The following WDR17 variants were observed in gnomAD, a reference collection of about 807,000 sequenced individuals.
WDR17 encodes WD repeat domain 17, also known as WD repeat-containing protein 17.
Under a neutral mutation model 161.7 loss-of-function variants are expected in WDR17, and 143 were observed. The ratio of observed to expected loss-of-function variants is 0.88; its 90% CI spans 0.77 to 1.02. The LOEUF (loss-of-function observed/expected upper bound fraction) is 1.02, where lower values mean the gene tolerates loss of function less well. Ranked by LOEUF, WDR17 falls within the 50% of genes least tolerant of loss-of-function variation. The pLI, the probability that WDR17 is intolerant of heterozygous loss-of-function variation, is 0.00. For synonymous variants in WDR17, 517 were observed against 515.6 expected, an observed-to-expected ratio of 1.00 and a Z score of -0.04; for missense variants, 1,469 against 1,520.9, an observed-to-expected ratio of 0.97 and a Z score of 0.57.
At chr4:176,102,209 C>A (rs927428191) in intron 1 of WDR17, among the ~76,000 whole-genome samples, 4 of 152,112 alleles carry the variant, frequency 2.6e-5, no homozygotes, top group African/African-American at 9.7e-5. Context: ...AAGAGCTGAA[C>A]AGATACCTCA....
intron 1 of WDR17, among the ~76,000 whole-genome samples, chr4:176,101,019 C>T (rs1022343895): frequency 9.9e-5 from 15 of 152,036 alleles, no homozygotes; most frequent in African/African-American, 3.1e-4. Context: ...TCAAGTAATG[C>T]ATTGCCTCCA....
intron 16 of WDR17, 119 bp downstream of exon 16, chr4:176,150,712 A>C: frequency 1.0e-6 from 1 of 995,882 alleles, no homozygotes; most frequent in Non-Finnish European, 1.4e-6. Flanking sequence ...ATAAATGAAC[A>C]CTGAGGAGAT....
At chr4:176,101,735 C>CA (rs1474390063) in intron 1 of WDR17, among the ~76,000 whole-genome samples, 1 of 151,962 alleles carries the variant, frequency 6.6e-6, no homozygotes, top group Non-Finnish European at 1.5e-5. Flanking sequence ...TAAATATACT[C>CA]AACTGATATT....
intron 1 of WDR17, among the ~76,000 whole-genome samples, chr4:176,110,802 A>G (rs1739589142): frequency 6.6e-6 from 1 of 152,182 alleles, no homozygotes; most frequent in African/African-American, 2.4e-5. Flanking sequence ...ACTCCAAGTC[A>G]CACTCTATGT....
chr4:176,140,636 G>A (rs1485407404), intron 10 of WDR17, among the ~76,000 whole-genome samples: 1 of 152,122 alleles, frequency 6.6e-6, no homozygotes, highest in Non-Finnish European at 1.5e-5. Flanking sequence ...ATCTTCGATA[G>A]GTGGATAGGT....
chr4:176,119,670 T>C (rs903904875), intron 3 of WDR17, among the ~76,000 whole-genome samples, 197 bp from the exon 4 acceptor site: 2 of 152,192 alleles, frequency 1.3e-5, no homozygotes, highest in African/African-American at 4.8e-5. Flanking sequence ...CTAGATACAT[T>C]TTCTTTCATC....
intron 3 of WDR17, among the ~76,000 whole-genome samples, chr4:176,116,653 C>A (rs1740692476): frequency 6.6e-6 from 1 of 151,818 alleles, no homozygotes; most frequent in African/African-American, 2.4e-5. Flanking sequence ...TTCAATTCAG[C>A]TTCTTCTCTA....
At chr4:176,089,759 C>T (rs1735881026) in intron 1 of WDR17, among the ~76,000 whole-genome samples, 1 of 152,060 alleles carries the variant, frequency 6.6e-6, no homozygotes, top group Non-Finnish European at 1.5e-5. Flanking sequence ...TAAGATTTTT[C>T]CCAGCCTGCT....
intron 1 of WDR17, among the ~76,000 whole-genome samples, chr4:176,102,995 C>T (rs1316266749): frequency 6.6e-6 from 1 of 152,144 alleles, no homozygotes; most frequent in Non-Finnish European, 1.5e-5. Flanking sequence ...TGCTTCTGAT[C>T]ACAGAAGTGC....
intron 1 of WDR17, among the ~76,000 whole-genome samples, chr4:176,090,625 A>G (rs1736001974): frequency 6.6e-6 from 1 of 152,116 alleles, no homozygotes; most frequent in East Asian, 1.9e-4. Flanking sequence ...CCTCACTGAA[A>G]GGACATCATT....
Position 176,177,070 on chromosome 4 carries a change from A to T in WDR17, c.3462A>T (p.Lys1154Asn). The change falls in exon 27 of 29, where the codon AAA (lysine) becomes AAT (asparagine). Residue 1154 changes from lysine to asparagine, a missense_variant. Transcript: ENST00000508596. ...TTCACACGTTCAGTCAGCTATTAAAACGTCGGGAGGTGTCAGTACCTTTAA... is the reference window on the plus strand; with the variant it reads ...TTCACACGTTCAGTCAGCTATTAAATCGTCGGGAGGTGTCAGTACCTTTAA... ...ALYEYTSQLL[K>N]RREVSVPLKI... The T allele has an allele frequency of 6.2e-7, 1 of 1,613,760 alleles. No homozygotes were observed. The highest frequency in any genetic ancestry group is 2.2e-5 in the East Asian group (1 of 44,840).
At chr4:176,178,932 CA>C (rs1470184456) in intron 28 of WDR17, among the ~76,000 whole-genome samples, 1 of 152,004 alleles carries the variant, frequency 6.6e-6, no homozygotes, top group Non-Finnish European at 1.5e-5. Context: ...ATAACTGATG[CA>C]ACTAAATTAT....
chr4:176,077,379 C>G (rs893656688), intron 1 of WDR17, among the ~76,000 whole-genome samples: 13 of 149,572 alleles, frequency 8.7e-5, no homozygotes, highest in African/African-American at 3.2e-4. Flanking sequence ...GAGGCAATGA[C>G]AATGTACATT....
intron 28 of WDR17, among the ~76,000 whole-genome samples, chr4:176,178,929 A>G (rs553542390): frequency 1.3e-5 from 2 of 152,330 alleles, no homozygotes; most frequent in East Asian, 3.9e-4. Flanking sequence ...ATCATAACTG[A>G]TGCAACTAAA....
rs1005312701 is a variant in WDR17 at position 176,156,081 on chromosome 4, G to T, written c.2463G>T (p.Trp821Cys). Residue 821 changes from tryptophan (W) to cysteine (C), a missense_variant and splice_region_variant, in exon 18 of 29, where the codon TGG (tryptophan) becomes TGT (cysteine). Transcript: ENST00000508596. ...GCCCTTTTTGCCTTCTATTGTAGTG[G>T]GACAAAGCCCTGTCAATTGCACCAG... ...YCELMVELGEWDKALSIAPGV... is the reference protein window; with the variant it reads ...YCELMVELGECDKALSIAPGV... 6.8e-6 allele frequency: 11 copies of T among 1,613,234 alleles called. No individual in the cohort carries two copies. Among genetic ancestry groups the T allele is most frequent in the Non-Finnish European group, 9.3e-6 (11 of 1,179,692 alleles).
intron 7 of WDR17, among the ~76,000 whole-genome samples, chr4:176,133,018 T>C (rs893859405): frequency 4.0e-5 from 6 of 151,646 alleles, no homozygotes; most frequent in Non-Finnish European, 5.9e-5. Context: ...AATTCTTCAT[T>C]TCTGAATAAA....
At chr4:176,175,305 G>A (rs1294470957) in intron 26 of WDR17, among the ~76,000 whole-genome samples, 2 of 152,194 alleles carry the variant, frequency 1.3e-5, no homozygotes, top group African/African-American at 4.8e-5. Context: ...GAGTTTGTAA[G>A]TAGCAGGTTA....
intron 11 of WDR17, among the ~76,000 whole-genome samples, chr4:176,144,206 A>G (rs1268471800): frequency 6.6e-6 from 1 of 152,144 alleles, no homozygotes; most frequent in African/African-American, 2.4e-5. Flanking sequence ...CAGCTCAAAA[A>G]CCACAGAAAA....
chr4:176,128,911 CTATCAAATAAAA>C (rs71830098), intron 6 of WDR17, 51 bp downstream of exon 6: 349,711 of 1,454,286 alleles, frequency 0.24, 43,190 homozygotes, highest in Middle Eastern at 0.33. Flanking sequence ...ATTGTGTTTT[CTATCAAATAAAA>C]TGGTATAGTG....
Sources: allele counts gnomAD v4.1 joint callset (sites outside exome capture counted in the v4.1 genomes callset), GRCh38; gene constraint gnomAD v4.1.1; transcripts MANE v1.5; gene names NCBI Gene and HGNC (gene_info 2026-07-23, HGNC 2026-07-21).